PXMP2: variants seen among roughly 807,000 people sequenced by gnomAD.
The protein encoded by PXMP2 is 22 kDa peroxisomal membrane protein.
In PXMP2, 13 loss-of-function variants were observed where a neutral mutation model predicts 20.2. The ratio of observed to expected loss-of-function variants is 0.64; its 90% CI spans 0.42 to 1.02. The LOEUF is 1.02. Among genes scored for constraint, PXMP2 ranks in the 50% least tolerant of loss-of-function variants. The probability of loss-of-function intolerance (pLI) is 0.00; values close to 1 mark genes in which losing one functional copy is unlikely to be tolerated. For missense variants in PXMP2, 284 were observed against 251.8 expected (o/e 1.13, Z -0.87); for synonymous variants, 113 against 111.2 (o/e 1.02, Z -0.10).
intron 4 of PXMP2, 33 bp from the exon 5 acceptor site, chr12:132,704,586 G>T: frequency 7.1e-7 from 1 of 1,404,344 alleles, no homozygotes; most frequent in South Asian, 1.8e-5. Context: ...GCCTCCCGCT[G>T]ACCGTGGCCT....
chr12:132,695,007 T>G (rs1353376920), intron 2 of PXMP2, among the ~76,000 whole-genome samples: 4 of 102,756 alleles, frequency 3.9e-5, no homozygotes, highest in African/African-American at 1.2e-4. Context: ...GTTAGTGAGC[T>G]CCCTTAGCCA....
At chr12:132,688,070 C>G (rs946543877) in intron 1 of PXMP2, 1 of 220,118 alleles carries the variant, frequency 4.5e-6, no homozygotes, top group Admixed American at 6.1e-5. Context: ...AAGGACCCAA[C>G]AGGGGCCCCG....
At chr12:132,688,058 C>T (rs893260802) in intron 1 of PXMP2, 1 of 222,254 alleles carries the variant, frequency 4.5e-6, no homozygotes, top group East Asian at 1.4e-4. Flanking sequence ...GAGGTTCCAC[C>T]CAAGGACCCA....
intron 3 of PXMP2, among the ~76,000 whole-genome samples, chr12:132,699,461 A>G (rs957864733): frequency 6.6e-6 from 1 of 151,034 alleles, no homozygotes; most frequent in Admixed American, 6.6e-5. Flanking sequence ...TTGACTTTCC[A>G]TTGGTGAGTT....
chr12:132,694,385 T>TA (rs1266342460), intron 2 of PXMP2, among the ~76,000 whole-genome samples: 23 of 85,470 alleles, frequency 2.7e-4, no homozygotes, highest in African/African-American at 8.2e-4. Context: ...TGAGCGCCCT[T>TA]GCCAGTTAGT....
intron 4 of PXMP2, chr12:132,702,504 G>A (rs1414738241): frequency 2.4e-6 from 1 of 410,986 alleles, no homozygotes; most frequent in Admixed American, 2.6e-5. Context: ...GATACCCCCA[G>A]ATGCTACAGG....
chr12:132,690,375 G>A lies in PXMP2; in HGVS notation c.235G>A (p.Gly79Arg), dbSNP rs139307012. 214 of 1,610,910 alleles carry A rather than the reference G, an allele frequency of 1.3e-4. No individual in the cohort carries two copies. Among genetic ancestry groups the A allele is most frequent in the Non-Finnish European group, 1.7e-4 (206 of 1,177,388 alleles). The change falls in exon 2 of 5, where the codon GGG (glycine) becomes AGG (arginine). Residue 79 changes from glycine to arginine, a missense_variant and splice_region_variant. By Grantham distance (125) the Gly-to-Arg change is moderately radical (BLOSUM62 -2). Transcript: ENST00000317479. Reference protein sequence around the residue: ...VGGPLRYAVYGFFFTGPLSHF... With the variant: ...VGGPLRYAVYRFFFTGPLSHF... ...TGGGCCTCTGAGATATGCCGTTTAC[G>A]GGTGAGTGCCATACAAGGGGTGGGT...
intron 1 of PXMP2, 27 bp downstream of exon 1, chr12:132,687,819 C>G (rs569846325): frequency 8.9e-7 from 1 of 1,129,596 alleles, no homozygotes; most frequent in African/African-American, 1.6e-5. Context: ...GAATCGGACG[C>G]CGCCCCGGCC....
intron 3 of PXMP2, among the ~76,000 whole-genome samples, chr12:132,698,360 C>T (rs1406191570): frequency 1.3e-5 from 2 of 152,204 alleles, no homozygotes; most frequent in East Asian, 1.9e-4. Flanking sequence ...CTTCTCCATA[C>T]AGAAGTTATA....
rs771321911 is a variant in PXMP2, at chr12:132,701,293, T to G, written c.443T>G (p.Phe148Cys). ...SAFAAKMRGG[F>C]WPALRMNWRV... Reference sequence around the variant, plus strand: ...TTCGCCGCCAAGATGAGGGGGGGCTTCTGGCCGGCGCTGAGGATGAACTGG... The same window carrying G: ...TTCGCCGCCAAGATGAGGGGGGGCTGCTGGCCGGCGCTGAGGATGAACTGG... The change falls in exon 4 of 5, where the codon TTC (phenylalanine) becomes TGC (cysteine). Residue 148 changes from phenylalanine to cysteine, a missense_variant. Coordinates refer to ENST00000317479, the MANE Select transcript of PXMP2 (RefSeq NM_018663.3). 3 of 1,612,756 alleles carry G rather than the reference T, an allele frequency of 1.9e-6. No individual in the cohort carries two copies.
Position 132,696,351 on chromosome 12 carries a change from C to G in PXMP2, c.399+305C>G, listed in dbSNP as rs535871175. Among the ~76,000 whole-genome samples, 30 of 152,294 alleles carry G rather than the reference C, an allele frequency of 2.0e-4. No homozygotes were observed. Among genetic ancestry groups the G allele is most frequent in the African/African-American group, 6.7e-4 (28 of 41,572 alleles). On this transcript the variant is annotated intron_variant, in intron 3 of 4. Coordinates refer to ENST00000317479, the MANE Select transcript of PXMP2 (RefSeq NM_018663.3). The surrounding 1 kb of genome is among the most constrained non-coding windows in gnomAD (Gnocchi z 4.4). ...TCCTGGGTTCAAGCGATCCTCTTGC[C>G]TCAGCCTCCCAAGTAGCTGGGACCA...
Position 132,687,737 on chromosome 12 carries a change from GC to G in PXMP2, c.70del (p.Gln24SerfsTer31). 1.6e-6 allele frequency: 2 copies of G among 1,219,002 alleles called. No individual in the cohort carries two copies. The highest frequency in any genetic ancestry group is 1.0e-6 in the Non-Finnish European group (1 of 976,962). 75.5% of individuals were successfully genotyped at this position (1,219,002 alleles called of 1,614,324 possible). On this transcript the variant is annotated frameshift_variant, in exon 1 of 5. Coordinates refer to ENST00000317479, the MANE Select transcript of PXMP2 (RefSeq NM_018663.3). LOFTEE classifies it high-confidence loss of function. ...GLGALPRRAL[A>X]QYLLFLRLYP... Reference sequence around the variant, plus strand: ...CGGGGCGCTGCCGCGGCGGGCGCTCGCCCAGTACCTGCTCTTCCTGCGGCTC... The same window carrying G: ...CGGGGCGCTGCCGCGGCGGGCGCTCGCCAGTACCTGCTCTTCCTGCGGCTC...
chr12:132,701,649 T>A, intron 4 of PXMP2: 1 of 421,954 alleles, frequency 2.4e-6, no homozygotes, highest in South Asian at 2.7e-5. Context: ...TTCAGCAAAT[T>A]CTCATTAAAA....
chr12:132,699,225 T>C (rs1055865894), intron 3 of PXMP2, among the ~76,000 whole-genome samples: 2 of 152,138 alleles, frequency 1.3e-5, no homozygotes, highest in African/African-American at 2.4e-5. Context: ...GAGACCAGCC[T>C]GGGCAACAGA....
chr12:132,703,004 CA>C (rs2043451390), intron 4 of PXMP2, among the ~76,000 whole-genome samples: 1 of 152,152 alleles, frequency 6.6e-6, no homozygotes, highest in Non-Finnish European at 1.5e-5. Context: ...GGAGTTAAAG[CA>C]AAATAAAAAA....
intron 2 of PXMP2, among the ~76,000 whole-genome samples, chr12:132,695,231 T>TTAGTGAGTGCCCTTGCCAGTTAGCC (rs1405067283): frequency 6.6e-6 from 1 of 151,982 alleles, no homozygotes; most frequent in South Asian, 2.1e-4. Flanking sequence ...CCCTTGCCAG[T>TTAGTGAGTGCCCTTGCCAGTTAGCC]TAGTGAGTGC....
At chr12:132,694,205 CAGTT>C (rs1301709367) in intron 2 of PXMP2, among the ~76,000 whole-genome samples, 15 of 111,754 alleles carry the variant, frequency 1.3e-4, no homozygotes, top group South Asian at 7.0e-4. Flanking sequence ...GCTCCCTTGC[CAGTT>C]AGTTAGTGAG....
rs1452670613 is a variant in PXMP2, at chr12:132,696,766, C to G, written c.399+720C>G. 2.6e-5 allele frequency among the ~76,000 whole-genome samples: 4 copies of G among 152,256 alleles called. No individual in the cohort carries two copies. In the East Asian group the frequency reaches 7.7e-4, roughly 29 times the overall value. On this transcript the variant is annotated intron_variant, in intron 3 of 4. Transcript: ENST00000317479. The surrounding 1 kb of genome is among the most constrained non-coding windows in gnomAD (Gnocchi z 4.4). ...CGTGAGCCGAGATGTCGCCACTGCA[C>G]TCTAGCCTGGGTAATAGAGCCAGAC...
chr12:132,687,596 T>G lies in PXMP2; in HGVS notation c.-75T>G, dbSNP rs943598174. On this transcript the variant is annotated 5_prime_UTR_variant, in exon 1 of 5. Transcript: ENST00000317479. ...ATGTCAGGCGGTCCCCACTCCGCTC[T>G]CGGCGCCTCGGGCTCCGCGCCCGGC... 9.2e-5 allele frequency: 107 copies of G among 1,166,174 alleles called. No homozygotes were observed. Among genetic ancestry groups the G allele is most frequent in the Admixed American group, 1.4e-4 (3 of 21,694 alleles). The allele number at this position is 1,166,174 out of a possible 1,614,324, so 72.2% of individuals were successfully genotyped here.
Sources: allele counts gnomAD v4.1 joint callset (sites outside exome capture counted in the v4.1 genomes callset), GRCh38; gene constraint gnomAD v4.1.1; non-coding constraint Gnocchi (gnomAD v3.1); transcripts MANE v1.5; gene names NCBI Gene and HGNC (gene_info 2026-07-23, HGNC 2026-07-21).